The following TENM2 variants were observed in gnomAD, a reference collection of about 807,000 sequenced individuals.
TENM2 encodes the protein teneurin-2.
TENM2 carries 52 observed loss-of-function variants against 245.2 expected under a neutral mutation model. That is an observed-to-expected ratio of 0.21 (90% CI 0.17 to 0.27). The LOEUF is 0.27. Ranked by LOEUF, TENM2 falls within the 10% of genes least tolerant of loss-of-function variation. TENM2 has a pLI of 1.00. For synonymous variants in TENM2, 1,363 were observed against 1,438.9 expected, an observed-to-expected ratio of 0.95 and a Z score of 1.19; for missense variants, 3,046 against 3,666.8, an observed-to-expected ratio of 0.83 and a Z score of 4.37.
intron 2 of TENM2, among the ~76,000 whole-genome samples, chr5:167,515,135 A>G (rs1770236878): frequency 1.3e-5 from 2 of 152,216 alleles, no homozygotes; most frequent in Admixed American, 1.3e-4. Flanking sequence ...GCTCCTGTCC[A>G]TATGATACAC....
At chr5:167,643,223 C>T (rs1406367333) in intron 2 of TENM2, among the ~76,000 whole-genome samples, 1 of 152,068 alleles carries the variant, frequency 6.6e-6, no homozygotes, top group Non-Finnish European at 1.5e-5. Context: ...ACATTTTTGT[C>T]CCCCCAGTAA....
At chr5:167,049,264 G>C in the TENM2 span, among the ~76,000 whole-genome samples, 1 of 152,150 alleles carries the variant, frequency 6.6e-6, no homozygotes, top group Admixed American at 6.5e-5. Context: ...GCGCCCTCTA[G>C]GCACTTTTAT....
the TENM2 span, among the ~76,000 whole-genome samples, chr5:167,162,175 A>C: frequency 6.6e-6 from 1 of 152,002 alleles, no homozygotes; most frequent in African/African-American, 2.4e-5. Context: ...CCGTCTCAAA[A>C]AAAAAAAAAA....
intron 2 of TENM2, among the ~76,000 whole-genome samples, chr5:167,869,516 G>A (rs1772627394): frequency 6.6e-6 from 1 of 152,196 alleles, no homozygotes; most frequent in Admixed American, 6.5e-5. Flanking sequence ...AATCACTGAG[G>A]CTGGTGTTCA....
chr5:167,166,233 G>T, the TENM2 span, among the ~76,000 whole-genome samples: 4 of 152,062 alleles, frequency 2.6e-5, no homozygotes, highest in African/African-American at 9.7e-5. Flanking sequence ...AGACACATCT[G>T]CACACACCAA....
At chr5:168,189,145 G>A (rs951937509) in intron 13 of TENM2, among the ~76,000 whole-genome samples, 2 of 152,142 alleles carry the variant, frequency 1.3e-5, no homozygotes, top group African/African-American at 2.4e-5. Flanking sequence ...CCATTTATAG[G>A]AGTTCCACCT....
At chr5:167,258,245 A>ATG in the TENM2 span, among the ~76,000 whole-genome samples, 1 of 147,056 alleles carries the variant, frequency 6.8e-6, no homozygotes, top group African/African-American at 2.5e-5. Context: ...ATATATATGT[A>ATG]TATATATATA....
At chr5:167,113,946 A>T in the TENM2 span, among the ~76,000 whole-genome samples, 1 of 152,088 alleles carries the variant, frequency 6.6e-6, no homozygotes, top group East Asian at 1.9e-4. Flanking sequence ...GGGTTGTAAA[A>T]ATCAGTATAT....
intron 5 of TENM2, among the ~76,000 whole-genome samples, chr5:168,020,838 G>A (rs1786080006): frequency 6.6e-6 from 1 of 152,164 alleles, no homozygotes; most frequent in Non-Finnish European, 1.5e-5. Flanking sequence ...CAAAGTTAGA[G>A]CCGTTACAAG....
At chr5:167,716,159 G>A (rs1217710566) in intron 2 of TENM2, among the ~76,000 whole-genome samples, 2 of 152,158 alleles carry the variant, frequency 1.3e-5, no homozygotes, top group Non-Finnish European at 2.9e-5. Flanking sequence ...GAAAAGTGAC[G>A]AGGTCCTTTG....
chr5:167,636,389 A>G (rs1345631243), intron 2 of TENM2, among the ~76,000 whole-genome samples: 2 of 152,252 alleles, frequency 1.3e-5, no homozygotes, highest in Non-Finnish European at 2.9e-5. Flanking sequence ...CATTAATCAG[A>G]TAATTTCCAT....
the TENM2 span, among the ~76,000 whole-genome samples, chr5:167,167,778 C>T: frequency 1.3e-5 from 2 of 152,144 alleles, no homozygotes; most frequent in African/African-American, 4.8e-5. Flanking sequence ...ATCCCCAAAG[C>T]CTAGCACCTG....
the TENM2 span, among the ~76,000 whole-genome samples, chr5:167,106,534 T>C: frequency 6.6e-6 from 1 of 152,250 alleles, no homozygotes; most frequent in Non-Finnish European, 1.5e-5. Context: ...TCTGATAGAC[T>C]AAGGAATTTT....
chr5:168,127,612 G>A lies in TENM2; in HGVS notation c.2422+646G>A, dbSNP rs573046318. The stretch of plus-strand genomic sequence containing the variant: ...TCATTTTTATTTTTCTCTCTTTTTC[G>A]GCACAGTTGTGGTTTAGGGTAGGAC... On this transcript the variant is annotated intron_variant, in intron 12 of 28. Coordinates refer to ENST00000518659, the Ensembl canonical transcript of TENM2. Among the ~76,000 whole-genome samples the A allele has an allele frequency of 3.9e-5, 6 of 152,006 alleles. No individual in the cohort carries two copies. In the East Asian group the frequency reaches 5.8e-4, roughly 15 times the overall value.
the TENM2 span, among the ~76,000 whole-genome samples, chr5:167,157,632 G>A: frequency 6.6e-6 from 1 of 152,150 alleles, no homozygotes; most frequent in Non-Finnish European, 1.5e-5. Flanking sequence ...AACACAAAAG[G>A]CCTGTAATTG....
intron 2 of TENM2, among the ~76,000 whole-genome samples, chr5:167,648,705 G>A (rs979593460): frequency 1.3e-5 from 2 of 152,212 alleles, no homozygotes; most frequent in African/African-American, 4.8e-5. Context: ...GGTGCAGGGG[G>A]ACCCTTCACC....
chr5:167,010,641 CATT>C, the TENM2 span, among the ~76,000 whole-genome samples: 4 of 152,188 alleles, frequency 2.6e-5, no homozygotes, highest in Non-Finnish European at 4.4e-5. Flanking sequence ...AAGTCTATTT[CATT>C]AGAACTAATA....
At chr5:167,103,570 A>G in the TENM2 span, among the ~76,000 whole-genome samples, 3 of 152,142 alleles carry the variant, frequency 2.0e-5, no homozygotes, top group Non-Finnish European at 4.4e-5. Context: ...CATTCTGCCT[A>G]TTTACATCAC....
At chr5:168,198,959 G>A (rs770204553) in exon 16 of TENM2, 12 of 1,614,020 alleles carry the variant, frequency 7.4e-6, no homozygotes, top group South Asian at 4.4e-5. Context: ...CAGCTTTTAC[G>A]CCATGGACAC....
Sources: allele counts gnomAD v4.1 joint callset (sites outside exome capture counted in the v4.1 genomes callset), GRCh38; gene constraint gnomAD v4.1.1; transcripts MANE v1.5; gene names NCBI Gene and HGNC (gene_info 2026-07-23, HGNC 2026-07-21).